RGS9: variants seen among roughly 807,000 people sequenced by gnomAD.
The protein encoded by RGS9 is regulator of G protein signaling 9.
Under a neutral mutation model 102.0 loss-of-function variants are expected in RGS9, and 78 were observed. The observed-to-expected ratio is 0.76, with a 90% CI of 0.64 to 0.92. The LOEUF (loss-of-function observed/expected upper bound fraction) is 0.92, where lower values mean the gene tolerates loss of function less well. RGS9 is among the 40% of genes least tolerant of loss of function. The probability of loss-of-function intolerance (pLI) is 0.00; values close to 1 mark genes in which losing one functional copy is unlikely to be tolerated. For synonymous variants in RGS9, 353 were observed against 318.6 expected, an observed-to-expected ratio of 1.11 and a Z score of -1.15; for missense variants, 833 against 866.1, an observed-to-expected ratio of 0.96 and a Z score of 0.48.
At chr17:65,185,388 T>C (rs1209699433) in intron 9 of RGS9, 1 of 152,630 alleles carries the variant, frequency 6.6e-6, no homozygotes. Context: ...TGCCTCCATA[T>C]GTGGCCAGTA....
At position 65,204,222 on chromosome 17, in the gene RGS9, T is replaced by G. The variant is rs534417733; in HGVS notation, c.1124T>G (p.Ile375Ser). The stretch of plus-strand genomic sequence containing the variant: ...AACATAGATGGCAAAACCATGGACA[T>G]CACAGTGAAGGGGCTGAAGCACCCC... ...WINIDGKTMD[I>S]TVKGLKHPHR... Residue 375 changes from isoleucine to serine, a missense_variant, in exon 15 of 19, where the codon ATC (isoleucine) becomes AGC (serine). Around this residue, in one of 3 missense-constraint regions of RGS9, gnomAD observed 185 missense variants for 248.7 expected, o/e 0.74. Coordinates refer to ENST00000262406, the MANE Select transcript of RGS9 (RefSeq NM_003835.4). 5.0e-6 allele frequency: 8 copies of G among 1,613,414 alleles called. No individual in the cohort carries two copies. The South Asian group carries it at 7.7e-5, about 16-fold the overall frequency.
chr17:65,162,701 C>T (rs149207424), intron 6 of RGS9, among the ~76,000 whole-genome samples: 1,804 of 151,832 alleles, frequency 0.012, 44 homozygotes, highest in African/African-American at 0.042. Flanking sequence ...GATCTCCTGA[C>T]CTTGTGATCT....
At chr17:65,188,187 A>C (rs535339837) in intron 9 of RGS9, among the ~76,000 whole-genome samples, 29 of 152,314 alleles carry the variant, frequency 1.9e-4, no homozygotes, top group Non-Finnish European at 2.6e-4. Flanking sequence ...CTGCAATTGC[A>C]GATCTATGTA....
intron 12 of RGS9, among the ~76,000 whole-genome samples, chr17:65,195,485 G>GTA (rs1291696923): frequency 6.6e-6 from 1 of 151,880 alleles, no homozygotes; most frequent in Non-Finnish European, 1.5e-5. Flanking sequence ...GTAAGTATAT[G>GTA]TATATATATA....
intron 1 of RGS9, among the ~76,000 whole-genome samples, chr17:65,149,194 G>A (rs752466650): frequency 1.3e-5 from 2 of 151,518 alleles, no homozygotes; most frequent in African/African-American, 2.4e-5. Flanking sequence ...GGCTGGTCTC[G>A]AACTCCTGAC....
intron 17 of RGS9, among the ~76,000 whole-genome samples, chr17:65,218,642 T>C (rs1308252826): frequency 6.6e-6 from 1 of 152,106 alleles, no homozygotes; most frequent in African/African-American, 2.4e-5. Context: ...CAGAAATAGC[T>C]CTCTCTCTCT....
intron 17 of RGS9, among the ~76,000 whole-genome samples, chr17:65,222,216 C>A (rs956892100): frequency 3.3e-5 from 5 of 152,206 alleles, no homozygotes; most frequent in African/African-American, 1.2e-4. Context: ...ATCTTCAAAG[C>A]CAGCCATGGA....
At chr17:65,204,727 A>G (rs1285328698) in intron 15 of RGS9, among the ~76,000 whole-genome samples, 1 of 152,194 alleles carries the variant, frequency 6.6e-6, no homozygotes, top group African/African-American at 2.4e-5. Flanking sequence ...GAGTAATGGC[A>G]TTAGTAATGA....
At chr17:65,219,878 C>T (rs1292631843) in intron 17 of RGS9, among the ~76,000 whole-genome samples, 2 of 151,508 alleles carry the variant, frequency 1.3e-5, no homozygotes, top group Non-Finnish European at 3.0e-5. Context: ...ATCATACCAT[C>T]ATCACCATCA....
At chr17:65,179,166 G>A (rs774499518) in intron 9 of RGS9, among the ~76,000 whole-genome samples, 2 of 152,156 alleles carry the variant, frequency 1.3e-5, no homozygotes, top group Non-Finnish European at 2.9e-5. Context: ...CTGTAGGGGT[G>A]TGCAGGGGAA....
intron 7 of RGS9, among the ~76,000 whole-genome samples, chr17:65,167,170 A>G (rs1270356542): frequency 6.6e-6 from 1 of 152,132 alleles, no homozygotes; most frequent in Non-Finnish European, 1.5e-5. Flanking sequence ...AGAGACTGAG[A>G]GATAAAAAGG....
chr17:65,171,567 T>C (rs1022336690), intron 8 of RGS9, among the ~76,000 whole-genome samples: 1 of 152,186 alleles, frequency 6.6e-6, no homozygotes, highest in Non-Finnish European at 1.5e-5. Flanking sequence ...AGATAAGACC[T>C]AATTGCAGAA....
At chr17:65,149,282 T>C (rs1033804947) in intron 1 of RGS9, among the ~76,000 whole-genome samples, 6 of 152,194 alleles carry the variant, frequency 3.9e-5, no homozygotes, top group Admixed American at 6.5e-5. Flanking sequence ...CCTGATGCTA[T>C]TGCAAGTTCT....
At chr17:65,157,500 G>A (rs1251421245) in intron 2 of RGS9, among the ~76,000 whole-genome samples, 3 of 151,862 alleles carry the variant, frequency 2.0e-5, no homozygotes, top group African/African-American at 7.3e-5. Flanking sequence ...AGGTGGGTGG[G>A]ACGGGTGTAC....
At chr17:65,201,658 G>T (rs538952424) in intron 13 of RGS9, among the ~76,000 whole-genome samples, 1 of 152,356 alleles carries the variant, frequency 6.6e-6, no homozygotes, top group Non-Finnish European at 1.5e-5. Flanking sequence ...ACTCTGGCCT[G>T]TGTATTGTTG....
chr17:65,160,012 G>A (rs1910915544), intron 3 of RGS9, among the ~76,000 whole-genome samples: 1 of 152,178 alleles, frequency 6.6e-6, no homozygotes, highest in South Asian at 2.1e-4. Flanking sequence ...TTATTGAGTT[G>A]TCACTCCTGG....
chr17:65,226,915 C>T (rs1258100318), intron 18 of RGS9, among the ~76,000 whole-genome samples: 3 of 152,050 alleles, frequency 2.0e-5, no homozygotes, highest in Non-Finnish European at 4.4e-5. Context: ...GTGCCCAGCA[C>T]CCATGAAGTC....
chr17:65,210,641 A>G lies in RGS9; in HGVS notation c.1407+36A>G, dbSNP rs542172460. On this transcript the variant is annotated intron_variant, in intron 17 of 18. Transcript: ENST00000262406. ...AGCTGGACCGCAGGAGCCAACTCCAAAAAGAGCTGCCTCCTAAATAAATCT... is the reference window on the plus strand; with the variant it reads ...AGCTGGACCGCAGGAGCCAACTCCAGAAAGAGCTGCCTCCTAAATAAATCT... The G allele has an allele frequency of 2.5e-6, 4 of 1,611,794 alleles. No individual in the cohort carries two copies. In the South Asian group the frequency reaches 3.3e-5, roughly 13 times the overall value.
intron 1 of RGS9, among the ~76,000 whole-genome samples, chr17:65,145,438 G>T (rs1462003126): frequency 1.3e-5 from 2 of 152,008 alleles, no homozygotes; most frequent in African/African-American, 4.8e-5. Flanking sequence ...GACCAGGCTG[G>T]CGTGCAGTGG....
Sources: allele counts gnomAD v4.1 joint callset (sites outside exome capture counted in the v4.1 genomes callset), GRCh38; gene constraint gnomAD v4.1.1; regional missense constraint gnomAD v4.1.1; transcripts MANE v1.5; gene names NCBI Gene and HGNC (gene_info 2026-07-23, HGNC 2026-07-21).